GPM6A: variants seen among roughly 807,000 people sequenced by gnomAD.
GPM6A encodes the protein glycoprotein M6A.
GPM6A carries 7 observed loss-of-function variants against 32.1 expected under a neutral mutation model. The ratio of observed to expected loss-of-function variants is 0.22; its 90% CI spans 0.12 to 0.41. GPM6A has a LOEUF of 0.41. Ranked by LOEUF, GPM6A falls within the 10% of genes least tolerant of loss-of-function variation. The pLI is 1.00. For synonymous variants in GPM6A, 130 were observed against 123.4 expected (o/e 1.05, Z -0.35); for missense variants, 235 against 347.2 (o/e 0.68, Z 2.57).
intron 1 of GPM6A, among the ~76,000 whole-genome samples, chr4:175,829,104 G>A (rs1735527512): frequency 6.6e-6 from 1 of 152,066 alleles, no homozygotes; most frequent in Non-Finnish European, 1.5e-5. Context: ...CTAATTTTTT[G>A]TATTTTTTGT....
chr4:175,994,763 T>C (rs1309011854), intron 1 of GPM6A, among the ~76,000 whole-genome samples: 4 of 152,226 alleles, frequency 2.6e-5, no homozygotes, highest in African/African-American at 9.6e-5. Flanking sequence ...CTGCATCAAC[T>C]GACTCTTCCT....
chr4:175,716,891 T>G (rs534900397), intron 1 of GPM6A, among the ~76,000 whole-genome samples: 1 of 152,340 alleles, frequency 6.6e-6, no homozygotes, highest in African/African-American at 2.4e-5. Flanking sequence ...TCCAAAATAA[T>G]GCAATTCCTG....
chr4:175,962,152 A>C (rs1740187280), intron 1 of GPM6A: 1 of 855,014 alleles, frequency 1.2e-6, no homozygotes, highest in South Asian at 1.3e-5. Flanking sequence ...CAGGACATCA[A>C]GCATCAACCC....
At chr4:175,838,449 T>A (rs1403691017) in intron 1 of GPM6A, among the ~76,000 whole-genome samples, 2 of 150,892 alleles carry the variant, frequency 1.3e-5, no homozygotes, top group Non-Finnish European at 3.0e-5. Context: ...AGCTGCAACT[T>A]TTTTTCTGTC....
chr4:175,940,415 T>G (rs983874547), intron 1 of GPM6A, among the ~76,000 whole-genome samples: 5 of 152,184 alleles, frequency 3.3e-5, no homozygotes, highest in Non-Finnish European at 7.4e-5. Flanking sequence ...ATATATTTTA[T>G]TTAAGAATAG....
chr4:175,809,781 C>G (rs1467769565), intron 1 of GPM6A, among the ~76,000 whole-genome samples: 1 of 152,104 alleles, frequency 6.6e-6, no homozygotes. Flanking sequence ...GACGGATGAT[C>G]TTTTTAAATG....
In GPM6A at chr4:175,667,808, A is replaced by T. The variant is rs1742831671; in HGVS notation, c.387+5872T>A. Among the ~76,000 whole-genome samples, 3 of 152,160 alleles carry T rather than the reference A, an allele frequency of 2.0e-5. No homozygotes were observed. The South Asian group carries it at 6.2e-4, about 31-fold the overall frequency. On this transcript the variant is annotated intron_variant, in intron 3 of 6. Coordinates refer to ENST00000393658, the MANE Select transcript of GPM6A (RefSeq NM_201591.3). The stretch of plus-strand genomic sequence containing the variant: ...GAACAATCTGATAGGAGAATATACA[A>T]ATTTTTTTTAAGTTTTGGCCAAAGA...
chr4:175,761,103 G>C (rs1278068045), intron 1 of GPM6A, among the ~76,000 whole-genome samples: 3 of 101,876 alleles, frequency 2.9e-5, no homozygotes, highest in Admixed American at 2.0e-4. Flanking sequence ...AGAGTCACTA[G>C]TCAAGATCTA....
intron 2 of GPM6A, among the ~76,000 whole-genome samples, chr4:175,690,966 A>G (rs911906334): frequency 6.6e-6 from 1 of 152,224 alleles, no homozygotes; most frequent in African/African-American, 2.4e-5. Context: ...CTAATGTTAC[A>G]TTCCAAAATC....
chr4:175,667,703 C>A (rs1016998566), intron 3 of GPM6A, among the ~76,000 whole-genome samples: 1 of 151,764 alleles, frequency 6.6e-6, no homozygotes, highest in Admixed American at 6.6e-5. Flanking sequence ...AAAATTATTC[C>A]AAAATAAAAT....
chr4:175,646,422 G>T (rs1338703731), intron 4 of GPM6A, among the ~76,000 whole-genome samples: 2 of 152,254 alleles, frequency 1.3e-5, no homozygotes, highest in East Asian at 1.9e-4. Flanking sequence ...TTTATTTCTA[G>T]TTTCAACTCT....
intron 4 of GPM6A, among the ~76,000 whole-genome samples, chr4:175,644,953 A>T (rs1003571142): frequency 1.3e-5 from 2 of 151,866 alleles, no homozygotes; most frequent in Non-Finnish European, 2.9e-5. Flanking sequence ...CTAAAAAAAT[A>T]CAAAAATTAG....
chr4:175,946,131 A>G (rs1031927930), intron 1 of GPM6A, among the ~76,000 whole-genome samples: 6 of 152,136 alleles, frequency 3.9e-5, no homozygotes, highest in Non-Finnish European at 7.4e-5. Context: ...AAATCTATAA[A>G]AAATCTATAA....
chr4:175,650,675 A>T (rs930789965), intron 4 of GPM6A, among the ~76,000 whole-genome samples: 1 of 152,160 alleles, frequency 6.6e-6, no homozygotes, highest in East Asian at 1.9e-4. Context: ...TGAAGGCTTC[A>T]TCTTGTAGGA....
intron 1 of GPM6A, among the ~76,000 whole-genome samples, chr4:175,980,827 G>A (rs764268105): frequency 1.3e-5 from 2 of 152,140 alleles, no homozygotes; most frequent in African/African-American, 2.4e-5. Context: ...AGCAGGCGTA[G>A]GGTTTGATGT....
At chr4:175,799,544 C>T (rs1481407266) in intron 1 of GPM6A, among the ~76,000 whole-genome samples, 2 of 151,760 alleles carry the variant, frequency 1.3e-5, no homozygotes, top group East Asian at 1.9e-4. Context: ...ATATGAGGCA[C>T]GGAAGTAGTA....
chr4:175,813,257 G>T (rs1411726186), upstream of GPM6A: 1 of 167,570 alleles, frequency 6.0e-6, no homozygotes, highest in Non-Finnish European at 1.2e-5. Flanking sequence ...TTTTAGATAA[G>T]AAACAAGAGG....
rs575991954 is a variant in GPM6A at position 175,888,341 on chromosome 4, A to T, written c.-22-76092T>A. On this transcript the variant is annotated intron_variant, in intron 1 of 7. Coordinates refer to the GPM6A transcript ENST00000280187. The stretch of plus-strand genomic sequence containing the variant: ...ATCTCTTAATGATTATTTATTTTAT[A>T]AGAAACAGCATACTACAGAGTAAAT... Among the ~76,000 whole-genome samples the T allele has an allele frequency of 2.6e-5, 4 of 152,150 alleles. No homozygotes were observed. In the South Asian group the frequency reaches 8.3e-4, roughly 32 times the overall value.
At chr4:175,726,825 G>C (rs527545337) in intron 1 of GPM6A, among the ~76,000 whole-genome samples, 1 of 152,028 alleles carries the variant, frequency 6.6e-6, no homozygotes, top group Non-Finnish European at 1.5e-5. Flanking sequence ...GTGAAACCCC[G>C]TCTCTACTAA....
Sources: allele counts gnomAD v4.1 joint callset (sites outside exome capture counted in the v4.1 genomes callset), GRCh38; gene constraint gnomAD v4.1.1; transcripts MANE v1.5; gene names NCBI Gene and HGNC (gene_info 2026-07-23, HGNC 2026-07-21).